The following DCUN1D1 variants were observed in gnomAD, a reference collection of about 807,000 sequenced individuals.
DCUN1D1 encodes the protein DCN1-like protein 1.
In DCUN1D1, 3 loss-of-function variants were observed where a neutral mutation model predicts 39.0. The observed-to-expected ratio is 0.08, with a 90% CI of 0.04 to 0.20. The LOEUF (loss-of-function observed/expected upper bound fraction) is 0.20, where lower values mean the gene tolerates loss of function less well. DCUN1D1 is among the 10% of genes least tolerant of loss of function. The pLI is 1.00. For synonymous variants in DCUN1D1, 82 were observed against 96.3 expected (o/e 0.85, Z 0.87); for missense variants, 158 against 302.4 (o/e 0.52, Z 3.54).
chr3:182,950,526 A>G (rs1726661993), intron 4 of DCUN1D1, among the ~76,000 whole-genome samples: 2 of 151,640 alleles, frequency 1.3e-5, no homozygotes, highest in African/African-American at 2.4e-5. Flanking sequence ...TATTATTGTT[A>G]TTATTATTTG....
chr3:182,981,675 C>T (rs76033026), upstream of DCUN1D1, among the ~76,000 whole-genome samples: 43 of 152,312 alleles, frequency 2.8e-4, no homozygotes, highest in East Asian at 3.9e-3. Context: ...CCATCATCAC[C>T]AGCACAGGCA....
intron 1 of DCUN1D1, among the ~76,000 whole-genome samples, chr3:182,978,063 CA>C (rs1728333184): frequency 6.7e-6 from 1 of 149,746 alleles, no homozygotes; most frequent in South Asian, 2.1e-4. Flanking sequence ...ACAACAACAA[CA>C]AAAAACAAGT....
chr3:182,964,846 G>C (rs1201400182), intron 2 of DCUN1D1, among the ~76,000 whole-genome samples: 1 of 151,782 alleles, frequency 6.6e-6, no homozygotes, highest in African/African-American at 2.4e-5. Flanking sequence ...TTACCATATT[G>C]GACAGACTGG....
chr3:182,973,979 G>A lies in DCUN1D1; in HGVS notation c.3+6508C>T, dbSNP rs148455349. On this transcript the variant is annotated intron_variant, in intron 1 of 6. Transcript: ENST00000292782. ...AAAATTACAAGTCAAAAGGCCAGCCGCGCCCGGCCTTTTAGGAGGTGCACT... is the reference window on the plus strand; with the variant it reads ...AAAATTACAAGTCAAAAGGCCAGCCACGCCCGGCCTTTTAGGAGGTGCACT... 1.6e-3 allele frequency among the ~76,000 whole-genome samples: 242 copies of A among 152,132 alleles called. 1 individual carries two copies. Among genetic ancestry groups the A allele is most frequent in the African/African-American group, 5.7e-3 (236 of 41,506 alleles).
At chr3:182,959,501 C>CAAAAAAAAAA (rs11373344) in intron 4 of DCUN1D1, among the ~76,000 whole-genome samples, 8 of 81,154 alleles carry the variant, frequency 9.9e-5, no homozygotes, top group Admixed American at 1.7e-4. Context: ...CTTCAAAAAC[C>CAAAAAAAAAA]AAAAAAAAAA....
chr3:182,978,358 T>C (rs1178660876), intron 1 of DCUN1D1, among the ~76,000 whole-genome samples: 1 of 152,030 alleles, frequency 6.6e-6, no homozygotes, highest in African/African-American at 2.4e-5. Context: ...CTAACTTCGA[T>C]TAGGGCCAGT....
intron 1 of DCUN1D1, chr3:182,980,245 C>A (rs1479732259): frequency 3.3e-6 from 1 of 298,566 alleles, no homozygotes; most frequent in Non-Finnish European, 5.0e-6. Context: ...CCCGGGGCTC[C>A]CGACTAGGCC....
chr3:182,970,265 C>A (rs556070036), intron 1 of DCUN1D1, among the ~76,000 whole-genome samples: 3 of 150,226 alleles, frequency 2.0e-5, no homozygotes, highest in South Asian at 4.2e-4. Context: ...TCTTAACCCC[C>A]CAAAAAAAAG....
At chr3:182,957,937 C>CA (rs34998390) in intron 4 of DCUN1D1, among the ~76,000 whole-genome samples, 4,137 of 67,444 alleles carry the variant, frequency 0.061, 415 homozygotes, top group African/African-American at 0.15. Context: ...GACCCTGCAT[C>CA]AAAAAAAAAA....
upstream of DCUN1D1, among the ~76,000 whole-genome samples, chr3:182,984,518 C>T (rs1728664322): frequency 6.6e-6 from 1 of 151,950 alleles, no homozygotes; most frequent in East Asian, 1.9e-4. Flanking sequence ...TAGCAACAAT[C>T]TCAGTACAAT....
At chr3:182,966,024 G>C (rs1218017310) in intron 1 of DCUN1D1, among the ~76,000 whole-genome samples, 1 of 152,048 alleles carries the variant, frequency 6.6e-6, no homozygotes, top group Non-Finnish European at 1.5e-5. Context: ...TGGGTCCTGA[G>C]AGCATACAGA....
At chr3:182,969,569 CTTAT>C (rs1293942905) in intron 1 of DCUN1D1, among the ~76,000 whole-genome samples, 1 of 152,058 alleles carries the variant, frequency 6.6e-6, no homozygotes, top group Non-Finnish European at 1.5e-5. Context: ...TATTTAAATA[CTTAT>C]TTAAAGGGAA....
At chr3:182,957,413 G>A (rs1440738017) in intron 4 of DCUN1D1, among the ~76,000 whole-genome samples, 1 of 152,174 alleles carries the variant, frequency 6.6e-6, no homozygotes, top group East Asian at 1.9e-4. Context: ...GATCACTTGA[G>A]GCCAGGAGGT....
chr3:182,964,130 G>T, intron 2 of DCUN1D1, 81 bp from the exon 3 acceptor site: 1 of 1,204,344 alleles, frequency 8.3e-7, no homozygotes, highest in Non-Finnish European at 1.2e-6. Context: ...TGCTTTATAT[G>T]CCATTTTTTA....
intron 4 of DCUN1D1, among the ~76,000 whole-genome samples, chr3:182,950,348 A>G (rs1301533899): frequency 6.6e-6 from 1 of 151,898 alleles, no homozygotes; most frequent in Non-Finnish European, 1.5e-5. Context: ...GAGTTTCACT[A>G]CGTTGGCCAG....
At chr3:182,945,395 G>A (rs908954176) in intron 6 of DCUN1D1, among the ~76,000 whole-genome samples, 1 of 152,056 alleles carries the variant, frequency 6.6e-6, no homozygotes, top group Non-Finnish European at 1.5e-5. Context: ...ACATTTGGTT[G>A]TTCCTTGAGT....
intron 1 of DCUN1D1, among the ~76,000 whole-genome samples, chr3:182,979,621 G>A (rs993350495): frequency 7.2e-6 from 1 of 138,942 alleles, no homozygotes; most frequent in Non-Finnish European, 1.6e-5. Flanking sequence ...AACAAAAAAG[G>A]AGAGTAACTT....
chr3:182,974,054 C>A (rs996181931), intron 1 of DCUN1D1, among the ~76,000 whole-genome samples: 3 of 151,894 alleles, frequency 2.0e-5, no homozygotes, highest in African/African-American at 7.3e-5. Context: ...GAGTTCGAGA[C>A]CAGCCTGGCC....
intron 1 of DCUN1D1, among the ~76,000 whole-genome samples, chr3:182,970,923 G>A (rs1235354712): frequency 6.6e-6 from 1 of 152,182 alleles, no homozygotes; most frequent in African/African-American, 2.4e-5. Context: ...TTCAGCCAAT[G>A]AGCCTACCTA....
Sources: gnomAD v4.1 joint callset for allele counts (sites outside exome capture counted in the v4.1 genomes callset) on GRCh38, gnomAD v4.1.1 for gene constraint, MANE v1.5 for transcripts, NCBI Gene and HGNC (gene_info 2026-07-23, HGNC 2026-07-21) for gene names.